Variants in MAP3K15 observed in about 807,000 individuals in gnomAD.
The protein encoded by MAP3K15 is MAPK/ERK kinase kinase 15.
A neutral mutation model predicts 99.5 loss-of-function variants in MAP3K15; 124 were observed. The observed-to-expected ratio is 1.25, with a 90% CI of 1.08 to 1.45. The LOEUF is 1.45. Among genes scored for constraint, MAP3K15 ranks in the 40% most tolerant of loss-of-function variants. The probability of loss-of-function intolerance (pLI) is 0.00; values close to 1 mark genes in which losing one functional copy is unlikely to be tolerated. For synonymous variants in MAP3K15, 494 were observed against 439.6 expected (o/e 1.12, Z -1.55); for missense variants, 1,242 against 1,079.7 (o/e 1.15, Z -2.11).
intron 19 of MAP3K15, among the ~76,000 whole-genome samples, chrX:19,378,602 C>A (rs745913206): frequency 3.6e-5 from 4 of 111,303 alleles, no homozygotes; most frequent in Non-Finnish European, 7.5e-5. Context: ...CCACCGGGTC[C>A]CTCCCACAAC....
chrX:19,404,380 T>C (rs1179941591), intron 13 of MAP3K15, among the ~76,000 whole-genome samples: 1 of 112,100 alleles, frequency 8.9e-6, no homozygotes, highest in African/African-American at 3.2e-5. Context: ...ATCCATCTTG[T>C]GTTCATGGAT....
intron 3 of MAP3K15, among the ~76,000 whole-genome samples, chrX:19,478,727 A>G (rs1233829363): frequency 9.8e-6 from 1 of 102,017 alleles, no homozygotes; most frequent in African/African-American, 3.6e-5. Context: ...CAAGAACCAG[A>G]TTAGTTTTTT....
rs1199427438 is a variant in MAP3K15 at position 19,360,758 on chromosome X, G to GTCTT, written c.3929_3932dup (p.Asp1311GlufsTer10). On this transcript the variant is annotated frameshift_variant, in exon 29 of 29. Transcript: ENST00000338883. LOFTEE classifies it high-confidence loss of function. Reference sequence around the variant, plus strand: ...GCTTAGCTGATTGGTATCAAGCCTTGTCTTTGGTTTCTGAGGCCTCCTGAG... The same window carrying GTCTT: ...GCTTAGCTGATTGGTATCAAGCCTTGTCTTTCTTTGGTTTCTGAGGCCTCCTGAG... 9.1e-6 allele frequency: 11 copies of GTCTT among 1,205,425 alleles called. No individual in the cohort carries two copies. The highest frequency in any genetic ancestry group is 2.2e-5 in the Admixed American group (1 of 45,300).
At chrX:19,435,758 AT>A (rs1404091086) in intron 6 of MAP3K15, among the ~76,000 whole-genome samples, 8 of 112,300 alleles carry the variant, frequency 7.1e-5, no homozygotes, top group African/African-American at 2.6e-4. Context: ...AAAAACTCCT[AT>A]GTTGAATCAG....
chrX:19,502,926 A>G (rs1476585090), intron 1 of MAP3K15, among the ~76,000 whole-genome samples: 1 of 112,002 alleles, frequency 8.9e-6, no homozygotes, highest in Non-Finnish European at 1.9e-5. Flanking sequence ...ACCAGGATAC[A>G]GTAGCCTCTA....
At chrX:19,466,032 C>T (rs1028051015) in intron 3 of MAP3K15, among the ~76,000 whole-genome samples, 11 of 110,297 alleles carry the variant, frequency 1.0e-4, no homozygotes, top group South Asian at 3.9e-4. Flanking sequence ...CAGCTTACTG[C>T]AGTCTCAAAC....
At chrX:19,477,022 A>G (rs1348511501) in intron 3 of MAP3K15, among the ~76,000 whole-genome samples, 1 of 112,034 alleles carries the variant, frequency 8.9e-6, no homozygotes, top group Non-Finnish European at 1.9e-5. Flanking sequence ...CTTCTGCTTA[A>G]TTCTGAAATA....
In MAP3K15 at chrX:19,477,090, C is replaced by A. The variant is rs1347988953; in HGVS notation, c.525+9392G>T. Reference sequence around the variant, plus strand: ...TAAGCAGATGAGTGAATGGCAAATTCTATGGTCTGTGAATTATGTCTCGAT... The same window carrying A: ...TAAGCAGATGAGTGAATGGCAAATTATATGGTCTGTGAATTATGTCTCGAT... On this transcript the variant is annotated intron_variant, in intron 3 of 28. Transcript: ENST00000338883. 4.5e-5 allele frequency among the ~76,000 whole-genome samples: 5 copies of A among 111,927 alleles called. No individual in the cohort carries two copies. The East Asian group carries it at 1.4e-3, about 31-fold the overall frequency.
intron 6 of MAP3K15, among the ~76,000 whole-genome samples, chrX:19,436,163 A>C (rs1362666902): frequency 9.9e-6 from 1 of 100,766 alleles, no homozygotes; most frequent in Non-Finnish European, 1.9e-5. Flanking sequence ...TCAAAAAAAA[A>C]AAAAAGAAAG....
intron 6 of MAP3K15, among the ~76,000 whole-genome samples, chrX:19,455,773 C>T (rs1942550859): frequency 9.1e-6 from 1 of 110,309 alleles, no homozygotes; most frequent in South Asian, 3.9e-4. Flanking sequence ...GGGAAAAAGA[C>T]TTAGTGATGA....
intron 25 of MAP3K15, among the ~76,000 whole-genome samples, chrX:19,365,810 C>T (rs1250668524): frequency 9.1e-6 from 1 of 109,947 alleles, no homozygotes; most frequent in Admixed American, 9.7e-5. Context: ...AGTTTGAGAC[C>T]GGCCTGGCCA....
intron 11 of MAP3K15, among the ~76,000 whole-genome samples, chrX:19,412,060 G>C (rs991420393): frequency 8.9e-6 from 1 of 111,798 alleles, no homozygotes; most frequent in Admixed American, 9.5e-5. Context: ...GACAGCAGGA[G>C]TCGGCCTTTG....
intron 16 of MAP3K15, among the ~76,000 whole-genome samples, chrX:19,393,919 CACG>C (rs1196598659): frequency 4.6e-5 from 5 of 108,003 alleles, no homozygotes; most frequent in Non-Finnish European, 9.6e-5. Context: ...ACTACAGGCG[CACG>C]CCACCACACC....
intron 13 of MAP3K15, among the ~76,000 whole-genome samples, chrX:19,403,322 G>C (rs757433990): frequency 9.0e-6 from 1 of 111,313 alleles, no homozygotes; most frequent in South Asian, 3.8e-4. Context: ...AGTAGTAAAA[G>C]GATGTTCTGC....
chrX:19,428,923 C>T (rs1421500935), intron 7 of MAP3K15, among the ~76,000 whole-genome samples: 1 of 108,933 alleles, frequency 9.2e-6, no homozygotes, highest in Admixed American at 9.8e-5. Flanking sequence ...GAGCCGAGAT[C>T]ACACCACTGC....
intron 18 of MAP3K15, among the ~76,000 whole-genome samples, chrX:19,386,179 A>T (rs886363959): frequency 1.8e-5 from 2 of 111,734 alleles, no homozygotes; most frequent in Non-Finnish European, 3.8e-5. Context: ...CTCATAGGCC[A>T]GGCACGGTGG....
intron 1 of MAP3K15, among the ~76,000 whole-genome samples, chrX:19,489,398 G>A (rs1470308029): frequency 9.0e-6 from 1 of 111,025 alleles, no homozygotes; most frequent in Non-Finnish European, 1.9e-5. Context: ...CCTGCCCAGA[G>A]AGCATTTCTG....
chrX:19,477,504 G>A (rs780422949), intron 3 of MAP3K15, among the ~76,000 whole-genome samples: 1 of 110,075 alleles, frequency 9.1e-6, no homozygotes, highest in East Asian at 2.9e-4. Context: ...GAGCTCAGGA[G>A]TTCAAGACCA....
intron 6 of MAP3K15, among the ~76,000 whole-genome samples, chrX:19,432,249 G>A (rs764788526): frequency 3.6e-5 from 4 of 111,134 alleles, no homozygotes; most frequent in African/African-American, 9.8e-5. Flanking sequence ...AGTCTGGACT[G>A]TGATTCAAAC....
Sources: gnomAD v4.1 joint callset for allele counts (sites outside exome capture counted in the v4.1 genomes callset) on GRCh38, gnomAD v4.1.1 for gene constraint, MANE v1.5 for transcripts, NCBI Gene and HGNC (gene_info 2026-07-23, HGNC 2026-07-21) for gene names.